ACVR2B: variants seen among roughly 807,000 people sequenced by gnomAD.
ACVR2B encodes activin receptor type-2B.
Under a neutral mutation model 65.1 loss-of-function variants are expected in ACVR2B, and 18 were observed. That is an observed-to-expected ratio of 0.28 (90% confidence interval 0.19 to 0.41). The LOEUF is 0.41. Ranked by LOEUF, ACVR2B falls within the 10% of genes least tolerant of loss-of-function variation. The pLI, the probability that ACVR2B is intolerant of heterozygous loss-of-function variation, is 1.00. For missense variants in ACVR2B, 482 were observed against 682.7 expected (o/e 0.71, Z 3.28); for synonymous variants, 298 against 277.7 (o/e 1.07, Z -0.73).
intron 1 of ACVR2B, among the ~76,000 whole-genome samples, chr3:38,460,425 G>A (rs2268755): frequency 0.48 from 73,682 of 152,030 alleles, 19,954 homozygotes; most frequent in Non-Finnish European, 0.61. Context: ...TCTGACTAAG[G>A]CAGTGGTAGG....
At chr3:38,462,584 CTT>C (rs755002433) in intron 1 of ACVR2B, among the ~76,000 whole-genome samples, 13 of 152,234 alleles carry the variant, frequency 8.5e-5, no homozygotes, top group Non-Finnish European at 1.9e-4. Flanking sequence ...ATGTTTGTGA[CTT>C]TAAGCTATGT....
chr3:38,465,397 C>CA (rs71085325), intron 1 of ACVR2B, among the ~76,000 whole-genome samples: 11,046 of 90,188 alleles, frequency 0.12, 968 homozygotes, highest in African/African-American at 0.24. Context: ...GATTCCATCT[C>CA]AAAAAAAAAA....
chr3:38,477,300 G>A lies in ACVR2B; in HGVS notation c.66G>A (p.Gly22=). ...TCTGGGGCACAGGCTCTGGGCGTGGGGAGGCTGAGACACGGGAGTGCATCT... is the reference window on the plus strand; with the variant it reads ...TCTGGGGCACAGGCTCTGGGCGTGGAGAGGCTGAGACACGGGAGTGCATCT... ...WGSLCAGSGR[G]EAETRECIYY... Residue 22 remains glycine (G), a synonymous_variant, in exon 2 of 11, where the codon GGG becomes GGA. Transcript: ENST00000352511. The surrounding 1 kb of genome is among the most constrained non-coding windows in gnomAD (Gnocchi z 6.7). 1.9e-6 allele frequency: 3 copies of A among 1,614,116 alleles called. No individual in the cohort carries two copies. The highest frequency in any genetic ancestry group is 2.5e-6 in the Non-Finnish European group (3 of 1,179,980).
Position 38,454,349 on chromosome 3 carries a change from C to T in ACVR2B, c.27C>T (p.Ala9=), listed in dbSNP as rs1008264966. MTAPWVAL[A]LLWGSLCAGS... ...TGACGGCGCCCTGGGTGGCCCTCGC[C>T]CTCCTCTGGGGATCGCTGTGCGCCG... Residue 9 remains alanine, a synonymous_variant, in exon 1 of 11, where the codon GCC becomes GCT. Transcript: ENST00000352511. 7 of 1,297,580 alleles carry T rather than the reference C, an allele frequency of 5.4e-6. No homozygotes were observed. The highest frequency in any genetic ancestry group is 3.1e-5 in the African/African-American group (2 of 64,978). The allele number at this position is 1,297,580 out of a possible 1,614,324, so 80.4% of individuals were successfully genotyped here.
intron 7 of ACVR2B, among the ~76,000 whole-genome samples, chr3:38,480,069 T>C (rs1709990985): frequency 6.6e-6 from 1 of 152,162 alleles, no homozygotes; most frequent in Non-Finnish European, 1.5e-5. Context: ...ATTACTTTGG[T>C]TGGAGAGTTG....
intron 1 of ACVR2B, among the ~76,000 whole-genome samples, chr3:38,466,427 G>T (rs1362119039): frequency 6.6e-6 from 1 of 152,052 alleles, no homozygotes; most frequent in African/African-American, 2.4e-5. Flanking sequence ...TGATCATTAC[G>T]CAGTGTATAT....
intron 1 of ACVR2B, among the ~76,000 whole-genome samples, chr3:38,468,030 C>T (rs149184068): frequency 6.6e-6 from 1 of 152,162 alleles, no homozygotes; most frequent in East Asian, 1.9e-4. Context: ...AGGTGCAAAC[C>T]ACCACAACTG....
rs1464888163 is a variant in ACVR2B, at chr3:38,485,559, A to G, written c.*2227A>G. ...TCTGGGTGTTGGGGCACAGGGTGCT[A>G]TGGGAGGCCCATTTGCTTCCCTCTC... On this transcript the variant is annotated 3_prime_UTR_variant, in exon 11 of 11. Coordinates refer to ENST00000352511, the MANE Select transcript of ACVR2B (RefSeq NM_001106.4). 6.7e-6 allele frequency: 1 copy of G among 149,684 alleles called. No individual in the cohort carries two copies. Among genetic ancestry groups the G allele is most frequent in the Non-Finnish European group, 1.5e-5 (1 of 67,672 alleles). The allele number at this position is 149,684 out of a possible 1,614,324, so 9.3% of individuals were successfully genotyped here. A position where few individuals can be genotyped will look rare whatever the true frequency, so the allele number is the denominator to read the frequency against.
At chr3:38,472,042 T>C (rs1278276212) in intron 1 of ACVR2B, among the ~76,000 whole-genome samples, 2 of 152,198 alleles carry the variant, frequency 1.3e-5, no homozygotes, top group African/African-American at 4.8e-5. Flanking sequence ...TGGGTTTTTT[T>C]CTCCCCTATT....
intron 1 of ACVR2B, among the ~76,000 whole-genome samples, chr3:38,464,907 A>G (rs489700): frequency 3.3e-5 from 5 of 152,086 alleles, no homozygotes; most frequent in Non-Finnish European, 5.9e-5. Flanking sequence ...CAGAAAATAT[A>G]TTCTGGGATT....
At chr3:38,456,051 A>G (rs371342044) in intron 1 of ACVR2B, among the ~76,000 whole-genome samples, 84 of 152,308 alleles carry the variant, frequency 5.5e-4, no homozygotes, top group African/African-American at 2.0e-3. Flanking sequence ...TAGGCAGGGC[A>G]GGGCGGCATC....
rs1198014815 is a variant in ACVR2B at position 38,486,577 on chromosome 3, T to C, written c.*3245T>C. 1 of 152,238 alleles carries C rather than the reference T, an allele frequency of 6.6e-6. No individual in the cohort carries two copies. The highest frequency in any genetic ancestry group is 6.5e-5 in the Admixed American group (1 of 15,282). The allele number at this position is 152,238 out of a possible 1,614,324, so 9.4% of individuals were successfully genotyped here. A position where few individuals can be genotyped will look rare whatever the true frequency, so the allele number is the denominator to read the frequency against. The stretch of plus-strand genomic sequence containing the variant: ...GGCTCAGATAATTGGTTTCTTTTTG[T>C]TTTTGACCTCAGGCTCTGTGGCAGA... On this transcript the variant is annotated 3_prime_UTR_variant, in exon 11 of 11. Coordinates refer to ENST00000352511, the MANE Select transcript of ACVR2B (RefSeq NM_001106.4).
chr3:38,486,228 C>G lies in ACVR2B; in HGVS notation c.*2896C>G, dbSNP rs900956940. 6.6e-6 allele frequency: 1 copy of G among 152,244 alleles called. No homozygotes were observed. The highest frequency in any genetic ancestry group is 2.4e-5 in the African/African-American group (1 of 41,388). 9.4% of individuals were successfully genotyped at this position (152,244 alleles called of 1,614,324 possible). A position where few individuals can be genotyped will look rare whatever the true frequency, so the allele number is the denominator to read the frequency against. On this transcript the variant is annotated 3_prime_UTR_variant, in exon 11 of 11. Transcript: ENST00000352511. Reference sequence around the variant, plus strand: ...CAGATTGTGTGTCAGGAGATGGTACCTTTTTGGTGTGGCTGGGGAGGAGTG... The same window carrying G: ...CAGATTGTGTGTCAGGAGATGGTACGTTTTTGGTGTGGCTGGGGAGGAGTG...
chr3:38,488,553 T>C lies in ACVR2B; in HGVS notation c.*5221T>C, dbSNP rs1241666124. The C allele has an allele frequency of 1.3e-5, 2 of 152,226 alleles. No homozygotes were observed. The highest frequency in any genetic ancestry group is 2.9e-5 in the Non-Finnish European group (2 of 68,040). The allele number at this position is 152,226 out of a possible 1,614,324, so 9.4% of individuals were successfully genotyped here. ...TGTTTTATGTTTATTTTGGGTCCAC[T>C]GTAAACTTTGGTTCAAAAAAGAATT... On this transcript the variant is annotated 3_prime_UTR_variant, in exon 11 of 11. Coordinates refer to ENST00000352511, the MANE Select transcript of ACVR2B (RefSeq NM_001106.4).
chr3:38,455,372 C>A (rs899244701), intron 1 of ACVR2B, among the ~76,000 whole-genome samples: 1 of 152,144 alleles, frequency 6.6e-6, no homozygotes, highest in Non-Finnish European at 1.5e-5. Flanking sequence ...GCCGCCGGGT[C>A]CTGCGCGTCT....
chr3:38,479,956 C>A, intron 7 of ACVR2B, 130 bp downstream of exon 7: 1 of 1,259,696 alleles, frequency 7.9e-7, no homozygotes, highest in South Asian at 1.3e-5. Flanking sequence ...GTGTCCGAGG[C>A]AGCTGGGCAC....
At chr3:38,471,603 TAA>T (rs1222674898) in intron 1 of ACVR2B, among the ~76,000 whole-genome samples, 1 of 152,196 alleles carries the variant, frequency 6.6e-6, no homozygotes, top group Non-Finnish European at 1.5e-5. Context: ...AGTGGATACT[TAA>T]AGTTATGTGA....
intron 5 of ACVR2B, among the ~76,000 whole-genome samples, chr3:38,478,875 C>T (rs1709962840): frequency 6.6e-6 from 1 of 152,130 alleles, no homozygotes; most frequent in South Asian, 2.1e-4. Context: ...TTAGTGGCCC[C>T]ATTTGTAAAT....
chr3:38,465,675 T>C (rs1211235644), intron 1 of ACVR2B, among the ~76,000 whole-genome samples: 1 of 151,896 alleles, frequency 6.6e-6, no homozygotes, highest in African/African-American at 2.4e-5. Context: ...GAGAAACGCA[T>C]AGAGGATGAA....
Sources: allele counts gnomAD v4.1 joint callset (sites outside exome capture counted in the v4.1 genomes callset), GRCh38; gene constraint gnomAD v4.1.1; non-coding constraint Gnocchi (gnomAD v3.1); transcripts MANE v1.5; gene names NCBI Gene and HGNC (gene_info 2026-07-23, HGNC 2026-07-21).